Variants in PDXK observed in about 807,000 individuals in gnomAD.
PDXK encodes pyridoxal kinase, also known as epididymis secretory sperm binding protein Li 1a.
A neutral mutation model predicts 43.2 loss-of-function variants in PDXK; 15 were observed. The ratio of observed to expected loss-of-function variants is 0.35; its 90% CI spans 0.23 to 0.53. The LOEUF is 0.53. PDXK is among the 20% of genes least tolerant of loss of function. The probability of loss-of-function intolerance (pLI) is 0.92; values close to 1 mark genes in which losing one functional copy is unlikely to be tolerated. For synonymous variants in PDXK, 172 were observed against 165.4 expected (o/e 1.04, Z -0.31); for missense variants, 343 against 417.0 (o/e 0.82, Z 1.54).
rs1323975736 is a variant in PDXK at position 43,734,670 on chromosome 21, CTG to C, written c.142+548_142+549del. 6.6e-6 allele frequency among the ~76,000 whole-genome samples: 1 copy of C among 152,170 alleles called. No homozygotes were observed. Among genetic ancestry groups the C allele is most frequent in the African/African-American group, 2.4e-5 (1 of 41,452 alleles). The stretch of plus-strand genomic sequence containing the variant: ...GCCTCTGTCTCCCTGCCCTGGGACT[CTG>C]AGGACTTTGCTGGCTCAGGGGACTG... On this transcript the variant is annotated intron_variant, in intron 2 of 10. Transcript: ENST00000291565. The surrounding 1 kb of genome is among the most constrained non-coding windows in gnomAD (Gnocchi z 5.0).
At position 43,746,011 on chromosome 21, in the gene PDXK, G is replaced by GAAGAAAAGA; in HGVS notation, c.332-66_332-65insGAAAAGAAA. The GAAGAAAAGA allele has an allele frequency of 1.5e-5, 19 of 1,240,982 alleles. 1 individual carries two copies. In the South Asian group the frequency reaches 2.3e-4, roughly 15 times the overall value. 76.9% of individuals were successfully genotyped at this position (1,240,982 alleles called of 1,614,324 possible). ...GACCCTGTCTTAAAAAAAGAAGAAA[G>GAAGAAAAGA]AAATGTGGAGGGTTTCTTACTCGTC... On this transcript the variant is annotated intron_variant, in intron 4 of 10. Transcript: ENST00000291565.
intron 1 of PDXK, among the ~76,000 whole-genome samples, chr21:43,726,043 C>T (rs2083250052): frequency 6.6e-6 from 1 of 151,056 alleles, no homozygotes; most frequent in Admixed American, 6.6e-5. Context: ...TCTCTCTGGC[C>T]TCTGCCAGTC....
At chr21:43,744,254 G>A (rs1411379144) in intron 4 of PDXK, among the ~76,000 whole-genome samples, 1 of 152,150 alleles carries the variant, frequency 6.6e-6, no homozygotes, top group Non-Finnish European at 1.5e-5. Context: ...ACCCAGGCTG[G>A]GCCCGCTAGG....
chr21:43,728,491 C>T (rs1281082448), intron 1 of PDXK, among the ~76,000 whole-genome samples: 1 of 152,164 alleles, frequency 6.6e-6, no homozygotes, highest in Non-Finnish European at 1.5e-5. Context: ...GGAGGAGCTC[C>T]CCTGGAATGT....
intron 2 of PDXK, among the ~76,000 whole-genome samples, chr21:43,739,703 A>G (rs899326305): frequency 2.6e-5 from 4 of 151,688 alleles, no homozygotes; most frequent in Non-Finnish European, 5.9e-5. Context: ...GGTCCCTCCC[A>G]CAACATGTAG....
chr21:43,741,615 G>A (rs761063785), intron 2 of PDXK, 52 bp from the exon 3 acceptor site: 9 of 1,591,672 alleles, frequency 5.7e-6, no homozygotes, highest in Non-Finnish European at 7.7e-6. Context: ...GAAGCCCACG[G>A]CCCCAGCTGG....
chr21:43,737,435 C>A lies in PDXK; in HGVS notation c.142+3312C>A. 1 of 1,092,526 alleles carries A rather than the reference C, an allele frequency of 9.2e-7. No individual in the cohort carries two copies. The highest frequency in any genetic ancestry group is 1.1e-6 in the Non-Finnish European group (1 of 893,596). 67.7% of individuals were successfully genotyped at this position (1,092,526 alleles called of 1,614,324 possible). On this transcript the variant is annotated intron_variant, in intron 2 of 10. Transcript: ENST00000291565. This position sits in a 1 kb window ranked among gnomAD's most constrained non-coding sequence, Gnocchi z 4.8. ...ACCTTGTGGCCAGTATTCCCAGTGG[C>A]CCCTTTGAGAGGATTTCCTGGAGCT...
intron 5 of PDXK, among the ~76,000 whole-genome samples, chr21:43,748,058 A>G (rs1032670306): frequency 4.6e-5 from 7 of 152,150 alleles, no homozygotes; most frequent in Middle Eastern, 3.2e-3. Context: ...TCTCCAAGGG[A>G]GGTTTCCGGG....
rs2083939817 is a variant in PDXK at position 43,762,024 on chromosome 21, C to G, written c.*5961C>G. On this transcript the variant is annotated 3_prime_UTR_variant, in exon 11 of 11. Coordinates refer to ENST00000291565, the MANE Select transcript of PDXK (RefSeq NM_003681.5). ...TCATCTAGTGATTGCAAAACTGGAC[C>G]AATGGGAGGACGGCGGCGCAGCCCG... 2 of 153,922 alleles carry G rather than the reference C, an allele frequency of 1.3e-5. No individual in the cohort carries two copies. The highest frequency in any genetic ancestry group is 1.3e-4 in the Admixed American group (2 of 15,308). 9.5% of individuals were successfully genotyped at this position (153,922 alleles called of 1,614,324 possible). A position where few individuals can be genotyped will look rare whatever the true frequency, so the allele number is the denominator to read the frequency against.
At position 43,732,537 on chromosome 21, in the gene PDXK, C is replaced by T; in HGVS notation, c.88-1532C>T. 1 of 1,146,002 alleles carries T rather than the reference C, an allele frequency of 8.7e-7. No homozygotes were observed. The highest frequency in any genetic ancestry group is 1.3e-6 in the Non-Finnish European group (1 of 753,254). The allele number at this position is 1,146,002 out of a possible 1,614,324, so 71.0% of individuals were successfully genotyped here. A position where few individuals can be genotyped will look rare whatever the true frequency, so the allele number is the denominator to read the frequency against. ...CGACTTCATTCTCGGATACGTTTGC[C>T]AGCCCCAAAGGATTAATTATCTACA... On this transcript the variant is annotated intron_variant, in intron 1 of 10. Transcript: ENST00000291565. The surrounding 1 kb of genome is among the most constrained non-coding windows in gnomAD (Gnocchi z 4.1).
intron 5 of PDXK, among the ~76,000 whole-genome samples, chr21:43,747,733 G>A (rs186429503): frequency 2.6e-5 from 4 of 152,352 alleles, no homozygotes; most frequent in East Asian, 3.9e-4. Context: ...TGCGGCTACG[G>A]GATCTGGCCC....
chr21:43,741,470 G>A lies in PDXK; in HGVS notation c.143-197G>A, dbSNP rs117674831. On this transcript the variant is annotated intron_variant, in intron 2 of 10. Coordinates refer to ENST00000291565, the MANE Select transcript of PDXK (RefSeq NM_003681.5). Reference sequence around the variant, plus strand: ...GGGGCTCGCGGGGGGCTCGCGGGGGGCTCGAGGCGTCCCATGTGGGCAGCC... The same window carrying A: ...GGGGCTCGCGGGGGGCTCGCGGGGGACTCGAGGCGTCCCATGTGGGCAGCC... The A allele has an allele frequency of 1.1e-5, 8 of 732,208 alleles. 2 individuals carry two copies. Among genetic ancestry groups the A allele is most frequent in the Non-Finnish European group, 1.5e-5 (8 of 540,894 alleles). The allele number at this position is 732,208 out of a possible 1,614,324, so 45.4% of individuals were successfully genotyped here.
At chr21:43,740,857 G>A (rs145274092) in intron 2 of PDXK, among the ~76,000 whole-genome samples, 94 of 151,402 alleles carry the variant, frequency 6.2e-4, no homozygotes, top group East Asian at 5.3e-3. Flanking sequence ...GTTGGGGGTG[G>A]GGACATAACA....
chr21:43,742,010 C>A (rs1024426803), intron 3 of PDXK, among the ~76,000 whole-genome samples: 1 of 152,098 alleles, frequency 6.6e-6, no homozygotes, highest in Non-Finnish European at 1.5e-5. Flanking sequence ...CTCCTGTGAC[C>A]ACACTGGGGT....
At chr21:43,728,326 G>A (rs1205081224) in intron 1 of PDXK, among the ~76,000 whole-genome samples, 1 of 152,168 alleles carries the variant, frequency 6.6e-6, no homozygotes, top group African/African-American at 2.4e-5. Context: ...GATCTCTCCT[G>A]TCCTCTTTCC....
chr21:43,748,760 C>G (rs1345156654), intron 5 of PDXK, among the ~76,000 whole-genome samples: 1 of 152,180 alleles, frequency 6.6e-6, no homozygotes, highest in African/African-American at 2.4e-5. Flanking sequence ...ACTGTGCGCC[C>G]TGAGTCCTCC....
intron 6 of PDXK, among the ~76,000 whole-genome samples, chr21:43,749,797 A>G (rs2083702537): frequency 6.6e-6 from 1 of 152,186 alleles, no homozygotes; most frequent in African/African-American, 2.4e-5. Flanking sequence ...ACAGGCGGCC[A>G]GGTCACCTGC....
rs1312681389 is a variant in PDXK at position 43,756,155 on chromosome 21, C to G, written c.*92C>G. 2.8e-6 allele frequency: 2 copies of G among 704,306 alleles called. No individual in the cohort carries two copies. The highest frequency in any genetic ancestry group is 4.9e-6 in the Non-Finnish European group (2 of 410,370). 43.6% of individuals were successfully genotyped at this position (704,306 alleles called of 1,614,324 possible). On this transcript the variant is annotated 3_prime_UTR_variant, in exon 11 of 11. Coordinates refer to ENST00000291565, the MANE Select transcript of PDXK (RefSeq NM_003681.5). Reference sequence around the variant, plus strand: ...GTAACGTCTGCCTTAGAGCCATGACCGAAACTTGATATTTTTTTCTTTCAT... The same window carrying G: ...GTAACGTCTGCCTTAGAGCCATGACGGAAACTTGATATTTTTTTCTTTCAT...
chr21:43,727,039 C>T (rs1329037916), intron 1 of PDXK, among the ~76,000 whole-genome samples: 1 of 152,142 alleles, frequency 6.6e-6, no homozygotes, highest in East Asian at 1.9e-4. Context: ...GTTGGCCGGC[C>T]CCCCCGTCTT....
Sources: allele counts gnomAD v4.1 joint callset (sites outside exome capture counted in the v4.1 genomes callset), GRCh38; gene constraint gnomAD v4.1.1; non-coding constraint Gnocchi (gnomAD v3.1); transcripts MANE v1.5; gene names NCBI Gene and HGNC (gene_info 2026-07-23, HGNC 2026-07-21).